PDE12: variants seen among roughly 807,000 people sequenced by gnomAD.
PDE12 encodes 2',5'-phosphodiesterase 12.
A neutral mutation model predicts 45.4 loss-of-function variants in PDE12; 26 were observed. That is an observed-to-expected ratio of 0.57 (90% CI 0.42 to 0.79). The LOEUF is 0.79. PDE12 is among the 30% of genes least tolerant of loss of function. The pLI, the probability that PDE12 is intolerant of heterozygous loss-of-function variation, is 0.00. For missense variants in PDE12, 668 were observed against 790.0 expected, an observed-to-expected ratio of 0.85 and a Z score of 1.85; for synonymous variants, 283 against 323.9, an observed-to-expected ratio of 0.87 and a Z score of 1.36.
At chr3:57,653,724 C>A in the PDE12 span, among the ~76,000 whole-genome samples, 1 of 132,508 alleles carries the variant, frequency 7.5e-6, no homozygotes, top group East Asian at 2.3e-4. Context: ...CCGGCCTGGG[C>A]GACAGAGCGA....
the PDE12 span, among the ~76,000 whole-genome samples, chr3:57,614,987 T>C: frequency 6.8e-6 from 1 of 147,066 alleles, no homozygotes; most frequent in African/African-American, 2.5e-5. Context: ...AGTGGGACTG[T>C]GTCTCAAAAA....
At chr3:57,651,567 T>C in the PDE12 span, among the ~76,000 whole-genome samples, 24,643 of 152,056 alleles carry the variant, frequency 0.16, 2,671 homozygotes, top group East Asian at 0.48. Context: ...GTGATGAAAA[T>C]GTTCTGGAAT....
the PDE12 span, among the ~76,000 whole-genome samples, chr3:57,646,675 T>C: frequency 1.3e-5 from 2 of 152,222 alleles, no homozygotes; most frequent in Non-Finnish European, 2.9e-5. Flanking sequence ...TTAAATGTAA[T>C]ATATTGACAC....
At chr3:57,644,733 A>G in the PDE12 span, among the ~76,000 whole-genome samples, 21 of 7,086 alleles carry the variant, frequency 3.0e-3, no homozygotes, top group Non-Finnish European at 4.2e-3. Flanking sequence ...GAGGAGGGGA[A>G]GGGAGGGGAG....
the PDE12 span, among the ~76,000 whole-genome samples, chr3:57,596,199 T>C: frequency 3.3e-5 from 5 of 152,062 alleles, no homozygotes; most frequent in Non-Finnish European, 5.9e-5. Flanking sequence ...AAGTCAACTT[T>C]CTAAAAAGAA....
chr3:57,578,865 A>C, the PDE12 span, among the ~76,000 whole-genome samples: 1 of 151,742 alleles, frequency 6.6e-6, no homozygotes, highest in Non-Finnish European at 1.5e-5. Flanking sequence ...TTCAAATGGG[A>C]AAGTATAGAA....
the PDE12 span, among the ~76,000 whole-genome samples, chr3:57,614,490 C>G: frequency 6.0e-5 from 9 of 151,224 alleles, no homozygotes; most frequent in Admixed American, 5.9e-4. Flanking sequence ...AAAAAAGACA[C>G]CTGCCGGACA....
the PDE12 span, among the ~76,000 whole-genome samples, chr3:57,589,683 A>C: frequency 6.7e-6 from 1 of 150,134 alleles, no homozygotes; most frequent in South Asian, 2.1e-4. Context: ...GCGCCACGGC[A>C]CTCCAGCCTG....
chr3:57,573,702 C>T, the PDE12 span, among the ~76,000 whole-genome samples: 1 of 151,162 alleles, frequency 6.6e-6, no homozygotes, highest in Non-Finnish European at 1.5e-5. Flanking sequence ...TGCCTTCAGC[C>T]TCCCAAGTAG....
chr3:57,620,770 CAG>C, the PDE12 span, among the ~76,000 whole-genome samples: 1 of 152,028 alleles, frequency 6.6e-6, no homozygotes, highest in African/African-American at 2.4e-5. Context: ...ATAAATCTGA[CAG>C]AAGATATGAA....
the PDE12 span, among the ~76,000 whole-genome samples, chr3:57,603,161 C>T: frequency 2.7e-5 from 4 of 150,030 alleles, no homozygotes; most frequent in African/African-American, 4.9e-5. Flanking sequence ...AGCGAGACTC[C>T]GTCTCAAAAA....
the PDE12 span, among the ~76,000 whole-genome samples, chr3:57,594,578 T>G: frequency 3.9e-5 from 6 of 152,368 alleles, no homozygotes; most frequent in South Asian, 1.0e-3. Context: ...CTTGAACTTT[T>G]GAAGAACAGC....
the PDE12 span, among the ~76,000 whole-genome samples, chr3:57,624,150 A>G: frequency 6.7e-6 from 1 of 148,418 alleles, no homozygotes; most frequent in African/African-American, 2.5e-5. Flanking sequence ...ACCATGTCTG[A>G]CTACTTTTTT....
chr3:57,589,387 C>CACTGCAAT, the PDE12 span, among the ~76,000 whole-genome samples: 3 of 151,876 alleles, frequency 2.0e-5, no homozygotes, highest in African/African-American at 7.3e-5. Context: ...ATGATCACAC[C>CACTGCAAT]ACTGCAATTC....
chr3:57,608,145 T>C, the PDE12 span, among the ~76,000 whole-genome samples: 8 of 152,110 alleles, frequency 5.3e-5, no homozygotes, highest in Non-Finnish European at 1.0e-4. Flanking sequence ...CTAAGCTTCA[T>C]AAGCAAAGGA....
Position 57,560,527 on chromosome 3 carries a change from C to A in PDE12, c.*523C>A. The A allele has an allele frequency of 2.0e-6, 1 of 509,250 alleles. No individual in the cohort carries two copies. Among genetic ancestry groups the A allele is most frequent in the Middle Eastern group, 9.7e-4 (1 of 1,030 alleles). The allele number at this position is 509,250 out of a possible 1,614,324, so 31.5% of individuals were successfully genotyped here. The stretch of plus-strand genomic sequence containing the variant: ...TTTTAGTAGAAATGGGGTTTCGCCA[C>A]GTTGGCCAGGCTGGTCTTGAACTCC... On this transcript the variant is annotated 3_prime_UTR_variant, in exon 3 of 3. Coordinates refer to ENST00000311180, the MANE Select transcript of PDE12 (RefSeq NM_177966.7).
rs890826224 is a variant in PDE12, at chr3:57,560,825, T to C, written c.*821T>C. ...ACCTTAGAGACCTAAGGTGAGAGAC[T>C]TGACACATGGAAGGAGTAACATTAG... On this transcript the variant is annotated 3_prime_UTR_variant, in exon 3 of 3. Coordinates refer to ENST00000311180, the MANE Select transcript of PDE12 (RefSeq NM_177966.7). The C allele has an allele frequency of 3.0e-6, 3 of 985,386 alleles. No individual in the cohort carries two copies. The highest frequency in any genetic ancestry group is 3.5e-5 in the African/African-American group (2 of 57,232). The allele number at this position is 985,386 out of a possible 1,614,324, so 61.0% of individuals were successfully genotyped here.
rs550281072 is a variant in PDE12, at chr3:57,565,467, A to C, written c.*5463A>C. The C allele has an allele frequency of 6.6e-6, 1 of 152,186 alleles. No individual in the cohort carries two copies. Among genetic ancestry groups the C allele is most frequent in the Non-Finnish European group, 1.5e-5 (1 of 68,032 alleles). 9.4% of individuals were successfully genotyped at this position (152,186 alleles called of 1,614,324 possible). A position where few individuals can be genotyped will look rare whatever the true frequency, so the allele number is the denominator to read the frequency against. ...ATTCATTTGTGTTACGAACATTCCA[A>C]TTGTACTCTCTCAGTTATTCTAAAA... On this transcript the variant is annotated 3_prime_UTR_variant, in exon 3 of 3. Transcript: ENST00000311180.
the PDE12 span, among the ~76,000 whole-genome samples, chr3:57,576,504 CTTTTTTTT>C: frequency 9.8e-6 from 1 of 101,616 alleles, no homozygotes; most frequent in African/African-American, 3.8e-5. Context: ...CTCAACCAAG[CTTTTTTTT>C]TTTTTTTTTT....
Sources: gnomAD v4.1 joint callset for allele counts (sites outside exome capture counted in the v4.1 genomes callset) on GRCh38, gnomAD v4.1.1 for gene constraint, MANE v1.5 for transcripts, NCBI Gene and HGNC (gene_info 2026-07-23, HGNC 2026-07-21) for gene names.